Variants in ASB15 observed in about 807,000 individuals in gnomAD.
ASB15 encodes ankyrin repeat and SOCS box containing 15, also known as ankyrin repeat and SOCS box protein 15.
ASB15 carries 54 observed loss-of-function variants against 58.0 expected under a neutral mutation model. That is an observed-to-expected ratio of 0.93 (90% CI 0.75 to 1.17). ASB15 has a LOEUF of 1.17. ASB15 is among the 50% of genes most tolerant of loss of function. The pLI is 0.00. For synonymous variants in ASB15, 249 were observed against 262.4 expected (o/e 0.95, Z 0.50); for missense variants, 680 against 707.4 (o/e 0.96, Z 0.44).
intron 1 of ASB15, chr7:123,584,722 G>T (rs567174751): frequency 6.6e-6 from 1 of 151,954 alleles, no homozygotes; most frequent in African/African-American, 2.4e-5. Context: ...ATAACCAGGG[G>T]AAACAATTCT....
intron 3 of ASB15, chr7:123,612,460 A>T (rs1800520692): frequency 1.3e-5 from 2 of 152,252 alleles, no homozygotes; most frequent in Admixed American, 6.5e-5. Flanking sequence ...AGACATTGGA[A>T]AAATATTACA....
At chr7:123,610,094 G>C (rs1800359368) in intron 3 of ASB15, among the ~76,000 whole-genome samples, 2 of 152,124 alleles carry the variant, frequency 1.3e-5, no homozygotes, top group South Asian at 4.1e-4. Context: ...TTTTATTTTT[G>C]GAAGTGATTG....
At chr7:123,605,413 G>A (rs1800099273) in intron 2 of ASB15, among the ~76,000 whole-genome samples, 1 of 152,082 alleles carries the variant, frequency 6.6e-6, no homozygotes, top group African/African-American at 2.4e-5. Context: ...ACTTAGTTCG[G>A]CCACTGTGGA....
chr7:123,597,503 T>C (rs13228825), upstream of ASB15, among the ~76,000 whole-genome samples: 1 of 152,192 alleles, frequency 6.6e-6, no homozygotes, highest in Non-Finnish European at 1.5e-5. Flanking sequence ...GTATTATTTG[T>C]GTTTCCAGGC....
chr7:123,623,931 A>AAAGAAAG (rs1491192964), intron 7 of ASB15, among the ~76,000 whole-genome samples: 3 of 103,416 alleles, frequency 2.9e-5, no homozygotes, highest in Admixed American at 1.1e-4. Flanking sequence ...AGAAAGAAAG[A>AAAGAAAG]AAAGAAAGAA....
chr7:123,611,630 T>C (rs1047530018), intron 3 of ASB15, among the ~76,000 whole-genome samples: 10 of 152,186 alleles, frequency 6.6e-5, no homozygotes, highest in South Asian at 6.2e-4. Flanking sequence ...ACAGGCTCCA[T>C]AGAGAACTGA....
chr7:123,623,879 A>AAAGAG (rs1363771280), intron 7 of ASB15, among the ~76,000 whole-genome samples: 1 of 148,064 alleles, frequency 6.8e-6, no homozygotes, highest in Non-Finnish European at 1.5e-5. Flanking sequence ...AAAAAAAAGA[A>AAAGAG]AAGAAAAGAA....
At chr7:123,586,730 G>C (rs531499895) in intron 1 of ASB15, among the ~76,000 whole-genome samples, 1 of 151,548 alleles carries the variant, frequency 6.6e-6, no homozygotes, top group East Asian at 1.9e-4. Context: ...GTTAATTTTT[G>C]TATATGGTGT....
At chr7:123,596,205 A>C (rs1435056657) in intron 1 of ASB15, 1 of 152,196 alleles carries the variant, frequency 6.6e-6, no homozygotes, top group Non-Finnish European at 1.5e-5. Flanking sequence ...TCATGAGACC[A>C]TTAAAAATTG....
At position 123,636,973 on chromosome 7, in the gene ASB15, T is replaced by C; in HGVS notation, c.1759T>C (p.Leu587=). The C allele has an allele frequency of 1.3e-6, 2 of 1,512,360 alleles. No individual in the cohort carries two copies. Among genetic ancestry groups the C allele is most frequent in the South Asian group, 1.2e-5 (1 of 83,704 alleles). 93.7% of individuals were successfully genotyped at this position (1,512,360 alleles called of 1,614,324 possible). The change falls in exon 12 of 12, where the codon TTG becomes CTG. Residue 587 remains leucine, a synonymous_variant. Coordinates refer to ENST00000451215, the MANE Select transcript of ASB15 (RefSeq NM_001290258.2). ...TGATCTCTATGGACAAGAGCTAAAATTGACATAACTTAATATTTTAAAATG... is the reference window on the plus strand; with the variant it reads ...TGATCTCTATGGACAAGAGCTAAAACTGACATAACTTAATATTTTAAAATG... ...EYDLYGQELK[L]T
Position 123,627,153 on chromosome 7 carries a change from G to T in ASB15, c.741G>T (p.Leu247=), listed in dbSNP as rs770113116. The change falls in exon 9 of 12, where the codon CTG becomes CTT. Residue 247 remains leucine, a synonymous_variant. Transcript: ENST00000451215. ...TGGCGGATGATGGGGCGTCGGTGCT[G>T]TTTGAGGCAGCAGGAGGTGGCAATC... ...LALADDGASV[L]FEAAGGGNPD... The T allele has an allele frequency of 2.4e-5, 38 of 1,613,938 alleles. No homozygotes were observed. The African/African-American group carries it at 4.8e-4, about 20-fold the overall frequency.
intron 11 of ASB15, among the ~76,000 whole-genome samples, chr7:123,636,143 G>A (rs6466879): frequency 0.74 from 112,052 of 151,984 alleles, 41,644 homozygotes; most frequent in South Asian, 0.82. Context: ...GGGCAGAGCT[G>A]GGAGTTTAAT....
intron 1 of ASB15, among the ~76,000 whole-genome samples, chr7:123,582,305 G>A (rs1187464670): frequency 6.6e-6 from 1 of 151,698 alleles, no homozygotes; most frequent in African/African-American, 2.4e-5. Flanking sequence ...ATATCCAAAG[G>A]GAGTGAGTGC....
At chr7:123,624,022 GAA>G (rs1801595237) in intron 7 of ASB15, among the ~76,000 whole-genome samples, 1 of 152,018 alleles carries the variant, frequency 6.6e-6, no homozygotes, top group Admixed American at 6.5e-5. Context: ...ACATATATAA[GAA>G]AGAGAAGTTC....
At chr7:123,618,138 C>T (rs945626164) in intron 7 of ASB15, among the ~76,000 whole-genome samples, 5 of 152,182 alleles carry the variant, frequency 3.3e-5, no homozygotes, top group South Asian at 4.2e-4. Flanking sequence ...ACTGATCAGG[C>T]GAACCTGGAA....
chr7:123,619,201 A>G (rs557385925), intron 7 of ASB15, among the ~76,000 whole-genome samples: 8,064 of 149,850 alleles, frequency 0.054, 305 homozygotes, highest in East Asian at 0.12. Flanking sequence ...AAAAAAAAAA[A>G]AAGAAGTCAC....
At chr7:123,625,948 G>A (rs923604827) in intron 8 of ASB15, among the ~76,000 whole-genome samples, 3 of 143,272 alleles carry the variant, frequency 2.1e-5, no homozygotes, top group East Asian at 4.2e-4. Flanking sequence ...TGTGGAGATG[G>A]AGGTGCACGG....
chr7:123,590,315 CTTTAG>C lies in ASB15; in HGVS notation c.-442-13712_-442-13708del, dbSNP rs540391242. ...TAGTTTATTTTGCTGTGCAGAAGCT[CTTTAG>C]TTTAATTAGATCCCATTTGTCTATT... On this transcript the variant is annotated intron_variant, in intron 1 of 13. Coordinates refer to the ASB15 transcript ENST00000451558. Among the ~76,000 whole-genome samples the C allele has an allele frequency of 2.0e-4, 31 of 152,274 alleles. No individual in the cohort carries two copies. In the South Asian group the frequency reaches 6.4e-3, roughly 32 times the overall value.
intron 1 of ASB15, among the ~76,000 whole-genome samples, chr7:123,583,869 G>A (rs866512023): frequency 1.3e-5 from 2 of 151,876 alleles, no homozygotes; most frequent in African/African-American, 2.4e-5. Flanking sequence ...CAAACCTAAA[G>A]TTTGCCAAAT....
Sources: gnomAD v4.1 joint callset for allele counts (sites outside exome capture counted in the v4.1 genomes callset) on GRCh38, gnomAD v4.1.1 for gene constraint, MANE v1.5 for transcripts, NCBI Gene and HGNC (gene_info 2026-07-23, HGNC 2026-07-21) for gene names.